SYTL4: variants seen among roughly 807,000 people sequenced by gnomAD.
The protein encoded by SYTL4 is synaptotagmin-like protein 4.
In SYTL4, 16 loss-of-function variants were observed where a neutral mutation model predicts 52.7. That is an observed-to-expected ratio of 0.30 (90% CI 0.21 to 0.46). SYTL4 has a LOEUF of 0.46. Among genes scored for constraint, SYTL4 ranks in the 20% least tolerant of loss-of-function variants. The pLI, the probability that SYTL4 is intolerant of heterozygous loss-of-function variation, is 1.00. For missense variants in SYTL4, 423 were observed against 519.9 expected, an observed-to-expected ratio of 0.81 and a Z score of 1.81; for synonymous variants, 160 against 186.6, an observed-to-expected ratio of 0.86 and a Z score of 1.16.
chrX:100,721,406 T>A (rs148516632), intron 2 of SYTL4, among the ~76,000 whole-genome samples: 3 of 111,815 alleles, frequency 2.7e-5, no homozygotes, highest in African/African-American at 9.7e-5. Flanking sequence ...AAAAATAATC[T>A]CCCCCACTAG....
Position 100,701,481 on chromosome X carries a change from C to A in SYTL4, c.303G>T (p.Arg101Ser). The change falls in exon 6 of 20, where the codon AGG becomes AGT. Residue 101 changes from arginine (R) to serine (S), a missense_variant. Arg to Ser is a moderately radical substitution (Grantham distance 110). Transcript: ENST00000372989. Reference sequence around the variant, plus strand: ...ACATTTCCTTGGCGCACACCTTGCACCTCCAGGTACCATTGCTTTCCTGTA... The same window carrying A: ...ACATTTCCTTGGCGCACACCTTGCAACTCCAGGTACCATTGCTTTCCTGTA... Reference protein sequence around the residue: ...CRIQESNGTWRCKVCAKEIEL... With the variant: ...CRIQESNGTWSCKVCAKEIEL... 1 of 1,211,638 alleles carries A rather than the reference C, an allele frequency of 8.3e-7. No homozygotes were observed. Among genetic ancestry groups the A allele is most frequent in the Non-Finnish European group, 1.1e-6 (1 of 895,299 alleles).
Position 100,706,438 on chromosome X carries a change from G to GC in SYTL4, c.-239-1553dup, listed in dbSNP as rs774769729. 6.2e-5 allele frequency among the ~76,000 whole-genome samples: 7 copies of GC among 112,333 alleles called. No homozygotes were observed. The East Asian group carries it at 2.0e-3, about 32-fold the overall frequency. On this transcript the variant is annotated intron_variant, in intron 2 of 19. Coordinates refer to ENST00000372989, the MANE Select transcript of SYTL4 (RefSeq NM_001370165.1). Reference sequence around the variant, plus strand: ...TCAGAAAAGCCATATCCCACCCCAAGCCCCACCTTCCACCATAGGTTGCTG... The same window carrying GC: ...TCAGAAAAGCCATATCCCACCCCAAGCCCCCACCTTCCACCATAGGTTGCTG...
chrX:100,690,284 T>C (rs1473942021), intron 10 of SYTL4, 119 bp from the exon 11 acceptor site: 1 of 527,787 alleles, frequency 1.9e-6, no homozygotes, highest in Non-Finnish European at 3.1e-6. Context: ...TATGACAAAC[T>C]TAAAGGAAAG....
chrX:100,716,300 T>C (rs180687738), intron 2 of SYTL4, among the ~76,000 whole-genome samples: 45 of 105,670 alleles, frequency 4.3e-4, no homozygotes, highest in Non-Finnish European at 1.9e-4. Context: ...AAATACAAAA[T>C]TACCCTGGCA....
chrX:100,685,879 A>G (rs1200963797), intron 16 of SYTL4, 111 bp downstream of exon 16: 1 of 769,074 alleles, frequency 1.3e-6, no homozygotes, highest in African/African-American at 2.1e-5. Context: ...AGGGGGCACT[A>G]GAACTCCAGA....
chrX:100,719,413 T>C (rs1166062710), intron 2 of SYTL4, among the ~76,000 whole-genome samples: 1 of 111,201 alleles, frequency 9.0e-6, no homozygotes, highest in African/African-American at 3.3e-5. Context: ...TCTGGCAATA[T>C]TGCTCTATAT....
Position 100,689,813 on chromosome X carries a change from TA to T in SYTL4, c.912+42del, listed in dbSNP as rs745915986. 2.5e-4 allele frequency: 243 copies of T among 958,493 alleles called. 1 individual carries two copies. In the African/African-American group the frequency reaches 4.5e-3, roughly 18 times the overall value. The allele number at this position is 958,493 out of a possible 1,213,427, so 79.0% of individuals were successfully genotyped here. A position where few individuals can be genotyped will look rare whatever the true frequency, so the allele number is the denominator to read the frequency against. The stretch of plus-strand genomic sequence containing the variant: ...GGTACTAAAGCCAACTCCAGATAAG[TA>T]AAATTTCATATAGTGACCAAGTAAA... On this transcript the variant is annotated intron_variant, in intron 12 of 19. Transcript: ENST00000372989.
intron 2 of SYTL4, among the ~76,000 whole-genome samples, chrX:100,719,708 G>T (rs1335967681): frequency 9.0e-6 from 1 of 111,199 alleles, no homozygotes; most frequent in Non-Finnish European, 1.9e-5. Flanking sequence ...CAGGGTGGAA[G>T]AAGGCAGTGG....
At chrX:100,728,901 G>C (rs1239390152) in intron 2 of SYTL4, among the ~76,000 whole-genome samples, 1 of 110,237 alleles carries the variant, frequency 9.1e-6, no homozygotes, top group African/African-American at 3.3e-5. Context: ...GCCGGGCATG[G>C]TGGCGGGCGC....
At chrX:100,724,099 A>G (rs2084436071) in intron 2 of SYTL4, among the ~76,000 whole-genome samples, 4 of 74,160 alleles carry the variant, frequency 5.4e-5, no homozygotes, top group East Asian at 4.8e-4. Context: ...CTGGGAAGTG[A>G]GGAGCCCCTC....
intron 16 of SYTL4, 47 bp downstream of exon 16, chrX:100,685,943 C>A (rs1377833498): frequency 2.6e-6 from 3 of 1,133,410 alleles, no homozygotes; most frequent in Non-Finnish European, 3.5e-6. Context: ...CTACTGCAGA[C>A]AATTCTACCT....
At chrX:100,705,997 C>A (rs1187927050) in intron 2 of SYTL4, among the ~76,000 whole-genome samples, 1 of 110,909 alleles carries the variant, frequency 9.0e-6, no homozygotes, top group Non-Finnish European at 1.9e-5. Context: ...TCCCCCCATA[C>A]CCATCCTGGA....
At chrX:100,724,790 A>T (rs1217266272) in intron 2 of SYTL4, among the ~76,000 whole-genome samples, 2 of 105,289 alleles carry the variant, frequency 1.9e-5, no homozygotes, top group East Asian at 6.0e-4. Context: ...TCACTTGTTT[A>T]TCTGCTGACC....
chrX:100,692,823 C>T (rs1425469476), intron 8 of SYTL4, among the ~76,000 whole-genome samples: 2 of 111,698 alleles, frequency 1.8e-5, no homozygotes, highest in African/African-American at 6.5e-5. Context: ...TATGTCCAAA[C>T]TTCTTCCTTG....
intron 2 of SYTL4, among the ~76,000 whole-genome samples, chrX:100,714,462 T>C (rs1343902953): frequency 9.0e-6 from 1 of 111,005 alleles, no homozygotes; most frequent in African/African-American, 3.3e-5. Context: ...GGTTTCACCG[T>C]GTTAGCCAGG....
intron 2 of SYTL4, among the ~76,000 whole-genome samples, chrX:100,714,278 TTGA>T (rs2084144271): frequency 9.1e-6 from 1 of 109,419 alleles, no homozygotes; most frequent in East Asian, 2.8e-4. Context: ...TTTTTTTTTT[TTGA>T]GATGGAGTCT....
Position 100,701,507 on chromosome X carries a change from T to C in SYTL4, c.277A>G (p.Ile93Val), listed in dbSNP as rs759492462. ...CTCCAGGTACCATTGCTTTCCTGTATGCGGCAGTCCCGACACACCAGGTGA... is the reference window on the plus strand; with the variant it reads ...CTCCAGGTACCATTGCTTTCCTGTACGCGGCAGTCCCGACACACCAGGTGA... ...CNHLVCRDCR[I>V]QESNGTWRCK... The change falls in exon 6 of 20, where the codon ATA (isoleucine) becomes GTA (valine). Residue 93 changes from isoleucine (I) to valine (V), a missense_variant. Physicochemically the swap from Ile to Val is conservative, Grantham distance 29 (BLOSUM62 3). Transcript: ENST00000372989. 12 of 1,210,186 alleles carry C rather than the reference T, an allele frequency of 9.9e-6. No individual in the cohort carries two copies. The highest frequency in any genetic ancestry group is 2.3e-4 in the Middle Eastern group (1 of 4,376).
intron 2 of SYTL4, among the ~76,000 whole-genome samples, chrX:100,717,444 G>A (rs745642380): frequency 2.7e-5 from 3 of 112,947 alleles, no homozygotes; most frequent in Admixed American, 9.3e-5. Flanking sequence ...GGCAAAGTGC[G>A]TAGCACTTAC....
intron 2 of SYTL4, among the ~76,000 whole-genome samples, chrX:100,722,618 T>C (rs1462420598): frequency 2.7e-5 from 3 of 111,040 alleles, no homozygotes; most frequent in Non-Finnish European, 5.7e-5. Flanking sequence ...CTCTATTAAT[T>C]AGTCCCTCCT....
Sources: gnomAD v4.1 joint callset for allele counts (sites outside exome capture counted in the v4.1 genomes callset) on GRCh38, gnomAD v4.1.1 for gene constraint, MANE v1.5 for transcripts, NCBI Gene and HGNC (gene_info 2026-07-23, HGNC 2026-07-21) for gene names.